Variants in PTPRS observed in about 807,000 individuals in gnomAD.
PTPRS encodes protein tyrosine phosphatase receptor type S.
PTPRS carries 63 observed loss-of-function variants against 215.3 expected under a neutral mutation model. The ratio of observed to expected loss-of-function variants is 0.29; its 90% CI spans 0.24 to 0.36. The LOEUF is 0.36. PTPRS is among the 10% of genes least tolerant of loss of function. PTPRS has a pLI of 1.00. For synonymous variants in PTPRS, 1,404 were observed against 1,191.4 expected (o/e 1.18, Z -3.68); for missense variants, 2,258 against 2,825.8 (o/e 0.80, Z 4.56).
At position 5,286,178 on chromosome 19, in the gene PTPRS, A is replaced by G. The variant is rs2048335471; in HGVS notation, c.-38T>C. 1.2e-6 allele frequency: 2 copies of G among 1,603,766 alleles called. No homozygotes were observed. Among genetic ancestry groups the G allele is most frequent in the Non-Finnish European group, 8.5e-7 (1 of 1,174,448 alleles). On this transcript the variant is annotated 5_prime_UTR_variant, in exon 2 of 38. Coordinates refer to ENST00000262963, the MANE Select transcript of PTPRS (RefSeq NM_002850.4). ...CCTCCGATCTCCGCCCTGGAGGGGG[A>G]TGGCCCCCCGGTCCCTCACAGAGAG...
chr19:5,321,581 G>C (rs1055731574), intron 1 of PTPRS, among the ~76,000 whole-genome samples: 1 of 152,202 alleles, frequency 6.6e-6, no homozygotes, highest in Non-Finnish European at 1.5e-5. Flanking sequence ...CTCGTGCCTC[G>C]TGAGTACCCA....
intron 4 of PTPRS, among the ~76,000 whole-genome samples, chr19:5,270,624 A>C (rs2046827914): frequency 6.6e-6 from 1 of 151,950 alleles, no homozygotes; most frequent in Non-Finnish European, 1.5e-5. Context: ...GCAGAGCTTT[A>C]AAAAGCACGG....
chr19:5,239,451 G>C (rs2043817331), intron 12 of PTPRS, among the ~76,000 whole-genome samples: 1 of 151,404 alleles, frequency 6.6e-6, no homozygotes, highest in Admixed American at 6.6e-5. Context: ...CAGAGACAGA[G>C]ATAAATGGGA....
Position 5,208,218 on chromosome 19 carries a change from G to A in PTPRS, c.5642+19C>T, listed in dbSNP as rs377666463. On this transcript the variant is annotated intron_variant, in intron 36 of 37. Coordinates refer to ENST00000262963, the MANE Select transcript of PTPRS (RefSeq NM_002850.4). The stretch of plus-strand genomic sequence containing the variant: ...TTTCCCCAGCAGGGCCAAAAGCTGG[G>A]ACACTCGAGGGAGCTCACCTGCAGT... 2.5e-6 allele frequency: 4 copies of A among 1,571,766 alleles called. No homozygotes were observed. The highest frequency in any genetic ancestry group is 1.7e-4 in the Middle Eastern group (1 of 5,868).
chr19:5,263,344 T>C (rs2046156852), intron 5 of PTPRS, among the ~76,000 whole-genome samples: 1 of 152,126 alleles, frequency 6.6e-6, no homozygotes, highest in Non-Finnish European at 1.5e-5. Flanking sequence ...GAAGACATTC[T>C]GGGCTCCACG....
chr19:5,243,830 G>A, intron 11 of PTPRS, 71 bp downstream of exon 11: 6 of 1,309,810 alleles, frequency 4.6e-6, no homozygotes, highest in Non-Finnish European at 5.1e-6. Flanking sequence ...CCGCTCTGCG[G>A]CTTCCAGGGA....
At chr19:5,214,828 C>A in intron 28 of PTPRS, 92 bp from the exon 29 acceptor site, 1 of 1,310,560 alleles carries the variant, frequency 7.6e-7, no homozygotes, top group Non-Finnish European at 1.0e-6. Context: ...TTCACTCTGA[C>A]CGCTCCCAGA....
At chr19:5,225,873 C>G (rs778507643) in intron 16 of PTPRS, 29 bp from the exon 17 acceptor site, 1 of 1,590,286 alleles carries the variant, frequency 6.3e-7, no homozygotes. Flanking sequence ...GTCAGCACGA[C>G]GGCTGGGGCT....
At position 5,231,409 on chromosome 19, in the gene PTPRS, A is replaced by G; in HGVS notation, c.2056T>C (p.Leu686=). The G allele has an allele frequency of 6.2e-7, 1 of 1,612,870 alleles. No homozygotes were observed. The highest frequency in any genetic ancestry group is 8.5e-7 in the Non-Finnish European group (1 of 1,179,852). Residue 686 remains leucine, a synonymous_variant, in exon 14 of 38, where the codon TTG becomes CTG. Coordinates refer to ENST00000262963, the MANE Select transcript of PTPRS (RefSeq NM_002850.4). ...ATGCGGTACTGGGTCCACTTCTCCA[A>G]GGCCTCCAGCAGGATCTGAGTGGTG... is the stretch of plus-strand genomic sequence containing the variant. ...PTTTQILLEA[L]EKWTQYRITT...
At chr19:5,324,384 C>T (rs2050115919) in intron 1 of PTPRS, among the ~76,000 whole-genome samples, 1 of 152,260 alleles carries the variant, frequency 6.6e-6, no homozygotes, top group South Asian at 2.1e-4. Context: ...AACCTGAAAC[C>T]CGCTTCCCCT....
chr19:5,225,748 C>A lies in PTPRS; in HGVS notation c.2473G>T (p.Val825Leu). 2.5e-6 allele frequency: 4 copies of A among 1,614,056 alleles called. No homozygotes were observed. Among genetic ancestry groups the A allele is most frequent in the Non-Finnish European group, 3.4e-6 (4 of 1,179,992 alleles). The change falls in exon 17 of 38, where the codon GTG (valine) becomes TTG (leucine). Residue 825 changes from valine (V) to leucine (L), a missense_variant. Val to Leu is a conservative substitution (Grantham distance 32, BLOSUM62 1). Transcript: ENST00000262963. ...ATACCTGCTCCCTTGGTCACAACCA[C>A]CTTGGGTTTGCTGCGAGCGCCATCG... ...KGDGARSKPK[V>L]VVTKGAVLGR...
chr19:5,257,322 C>G lies in PTPRS; in HGVS notation c.706+695G>C. ...AGTGGGAATTGGAAACTGAGAGTAACAAGCTTCGCTGGGTGCCGTGCCTGC... is the reference window on the plus strand; with the variant it reads ...AGTGGGAATTGGAAACTGAGAGTAAGAAGCTTCGCTGGGTGCCGTGCCTGC... On this transcript the variant is annotated intron_variant, in intron 8 of 37. Coordinates refer to ENST00000262963, the MANE Select transcript of PTPRS (RefSeq NM_002850.4). The surrounding 1 kb of genome is among the most constrained non-coding windows in gnomAD (Gnocchi z 4.4). 1 of 423,692 alleles carries G rather than the reference C, an allele frequency of 2.4e-6. No individual in the cohort carries two copies. Among genetic ancestry groups the G allele is most frequent in the Non-Finnish European group, 4.8e-6 (1 of 206,386 alleles). The allele number at this position is 423,692 out of a possible 1,614,324, so 26.2% of individuals were successfully genotyped here.
chr19:5,288,789 C>T (rs910984424), intron 1 of PTPRS, among the ~76,000 whole-genome samples: 3 of 152,196 alleles, frequency 2.0e-5, no homozygotes, highest in African/African-American at 7.2e-5. Context: ...AGCTGGCTCT[C>T]CCACATCCCA....
At position 5,223,300 on chromosome 19, in the gene PTPRS, G is replaced by A. The variant is rs2042174212; in HGVS notation, c.2495-3C>T. ...CGACAGGGTTGGGCGGCCCAGCACT[G>A]CGGGGATACGGGGCAGGTGTCAGGG... On this transcript the variant is annotated splice_region_variant and splice_polypyrimidine_tract_variant and intron_variant, in intron 17 of 37. Transcript: ENST00000262963. The A allele has an allele frequency of 6.9e-7, 1 of 1,452,102 alleles. No homozygotes were observed. 90.0% of individuals were successfully genotyped at this position (1,452,102 alleles called of 1,614,324 possible).
chr19:5,311,352 G>T (rs2049695782), intron 1 of PTPRS, among the ~76,000 whole-genome samples: 2 of 152,142 alleles, frequency 1.3e-5, no homozygotes, highest in Non-Finnish European at 2.9e-5. Flanking sequence ...CGAGGGAAGG[G>T]TTTTTCCCTC....
rs374745287 is a variant in PTPRS at position 5,218,528 on chromosome 19, G to A, written c.3940C>T (p.Arg1314Cys). The change falls in exon 25 of 38, where the codon CGC becomes TGC. Residue 1314 changes from arginine to cysteine, a missense_variant. Around this residue, in one of 6 missense-constraint regions of PTPRS, gnomAD observed 927 missense variants for 1,125.9 expected, o/e 0.82. Coordinates refer to ENST00000262963, the MANE Select transcript of PTPRS (RefSeq NM_002850.4). ...LLYKNKPDSK[R>C]KDSEPRTKCL... is the part of the protein sequence containing the mutation. ...TTGGTGCGGGGTTCTGAGTCCTTGC[G>A]TTTACTTTAGGAGAAGCAAGCGGAA... The A allele has an allele frequency of 1.4e-5, 22 of 1,613,934 alleles. No homozygotes were observed. The Admixed American group carries it at 2.0e-4, about 15-fold the overall frequency.
chr19:5,210,508 A>G lies in PTPRS; in HGVS notation c.5448T>C (p.Pro1816=). The G allele has an allele frequency of 6.2e-7, 1 of 1,614,124 alleles. No individual in the cohort carries two copies. The highest frequency in any genetic ancestry group is 1.1e-5 in the South Asian group (1 of 91,078). ...VVDPMAEYNM[P]QYILREFKVT... is the part of the protein sequence containing the mutation. ...CCTTGAACTCTCGCAGGATATACTG[A>G]GGCATGTTGTATTCTGCCATCGGAT... Residue 1816 remains proline (P), a synonymous_variant, in exon 35 of 38, where the codon CCT becomes CCC. Coordinates refer to ENST00000262963, the MANE Select transcript of PTPRS (RefSeq NM_002850.4). This position sits in a 1 kb window ranked among gnomAD's most constrained non-coding sequence, Gnocchi z 4.5.
At position 5,315,350 on chromosome 19, in the gene PTPRS, G is replaced by GCTTTTTTTTTTTTTT. The variant is rs2049835558; in HGVS notation, c.-95+25313_-95+25314insAAAAAAAAAAAAAAG. On this transcript the variant is annotated intron_variant, in intron 1 of 37. Coordinates refer to ENST00000262963, the MANE Select transcript of PTPRS (RefSeq NM_002850.4). Reference sequence around the variant, plus strand: ...TCATGGAGAATTTTTATTTGAAAAGGGTTTTTTTTTTTTTTTTTTTTTTTT... The same window carrying GCTTTTTTTTTTTTTT: ...TCATGGAGAATTTTTATTTGAAAAGGCTTTTTTTTTTTTTTGTTTTTTTTTTTTTTTTTTTTTTTT... Among the ~76,000 whole-genome samples the GCTTTTTTTTTTTTTT allele has an allele frequency of 7.3e-4, 74 of 101,312 alleles. 24 individuals are homozygous for GCTTTTTTTTTTTTTT. Among genetic ancestry groups the GCTTTTTTTTTTTTTT allele is most frequent in the Non-Finnish European group, 1.2e-3 (61 of 52,780 alleles). The allele number at this position is 101,312 out of a possible 152,430, so 66.5% of individuals were successfully genotyped here.
At chr19:5,324,226 CAAAAAAAAAA>C (rs55793961) in intron 1 of PTPRS, among the ~76,000 whole-genome samples, 9 of 73,868 alleles carry the variant, frequency 1.2e-4, no homozygotes, top group South Asian at 7.8e-4. Context: ...AACCCTGCCT[CAAAAAAAAAA>C]AAAAAAAAAA....
Sources: allele counts gnomAD v4.1 joint callset (sites outside exome capture counted in the v4.1 genomes callset), GRCh38; gene constraint gnomAD v4.1.1; regional missense constraint gnomAD v4.1.1; non-coding constraint Gnocchi (gnomAD v3.1); transcripts MANE v1.5; gene names NCBI Gene and HGNC (gene_info 2026-07-23, HGNC 2026-07-21).